GRIK2: variants seen among roughly 807,000 people sequenced by gnomAD.
The protein encoded by GRIK2 is glutamate ionotropic receptor kainate type subunit 2, also known as glutamate receptor ionotropic, kainate 2.
In GRIK2, 32 loss-of-function variants were observed where a neutral mutation model predicts 100.3. The ratio of observed to expected loss-of-function variants is 0.32; its 90% CI spans 0.24 to 0.43. GRIK2 has a LOEUF of 0.43. Among genes scored for constraint, GRIK2 ranks in the 20% least tolerant of loss-of-function variants. The pLI, the probability that GRIK2 is intolerant of heterozygous loss-of-function variation, is 1.00. For synonymous variants in GRIK2, 417 were observed against 389.4 expected (o/e 1.07, Z -0.83); for missense variants, 843 against 1,114.9 (o/e 0.76, Z 3.47).
chr6:101,531,439 G>A (rs2128284843), intron 2 of GRIK2, among the ~76,000 whole-genome samples: 1 of 152,028 alleles, frequency 6.6e-6, no homozygotes, highest in East Asian at 1.9e-4. Context: ...AAAGTGACAA[G>A]TAACATATAT....
Position 101,572,139 on chromosome 6 carries a change from G to A in GRIK2, c.116-49810G>A, listed in dbSNP as rs767699877. ...TTTCTAGCTTTGTCATTTAAAAAAA[G>A]TTGCTTTTTTATTTTAATAAAAAAT... is the stretch of plus-strand genomic sequence containing the variant. On this transcript the variant is annotated intron_variant, in intron 2 of 16. Transcript: ENST00000369134. Among the ~76,000 whole-genome samples the A allele has an allele frequency of 2.0e-5, 3 of 151,912 alleles. No individual in the cohort carries two copies. In the South Asian group the frequency reaches 6.2e-4, roughly 31 times the overall value.
chr6:101,597,133 A>G (rs2128308541), intron 2 of GRIK2, among the ~76,000 whole-genome samples: 1 of 151,872 alleles, frequency 6.6e-6, no homozygotes, highest in East Asian at 1.9e-4. Flanking sequence ...GTGAATTGAT[A>G]GAGAAAACCA....
chr6:101,460,149 C>T (rs1490616584), intron 2 of GRIK2, among the ~76,000 whole-genome samples: 2 of 152,156 alleles, frequency 1.3e-5, no homozygotes, highest in African/African-American at 4.8e-5. Context: ...AGTTGTGCCA[C>T]GACAGTGTCA....
chr6:102,023,969 G>A (rs1769562536), intron 14 of GRIK2, among the ~76,000 whole-genome samples: 1 of 151,212 alleles, frequency 6.6e-6, no homozygotes. Context: ...CAGTGGGATT[G>A]GAAAATATTA....
At chr6:102,054,571 T>C (rs1771373942) in intron 15 of GRIK2, among the ~76,000 whole-genome samples, 1 of 152,146 alleles carries the variant, frequency 6.6e-6, no homozygotes, top group Non-Finnish European at 1.5e-5. Context: ...ATGTAATATC[T>C]AATGCAGATG....
At chr6:101,402,436 G>A (rs141258852) in intron 2 of GRIK2, among the ~76,000 whole-genome samples, 1 of 152,230 alleles carries the variant, frequency 6.6e-6, no homozygotes, top group African/African-American at 2.4e-5. Context: ...ACTCCCACTT[G>A]GCTGCACAGG....
At chr6:101,998,812 CTTTTTTTTTT>C (rs755522043) in intron 14 of GRIK2, among the ~76,000 whole-genome samples, 2 of 110,062 alleles carry the variant, frequency 1.8e-5, no homozygotes, top group African/African-American at 3.3e-5. Flanking sequence ...TTTTTCTTTT[CTTTTTTTTTT>C]TTTTTTTTTG....
At chr6:101,704,741 A>G (rs1202897077) in intron 7 of GRIK2, among the ~76,000 whole-genome samples, 1 of 151,322 alleles carries the variant, frequency 6.6e-6, no homozygotes, top group African/African-American at 2.4e-5. Context: ...CATGAAACAA[A>G]TGTGGAATTT....
intron 2 of GRIK2, among the ~76,000 whole-genome samples, chr6:101,402,095 G>A (rs1775341031): frequency 6.6e-6 from 1 of 152,128 alleles, no homozygotes; most frequent in South Asian, 2.1e-4. Flanking sequence ...GCGTCCTCCT[G>A]TCACCTCCTG....
At chr6:101,754,792 T>C (rs986370575) in intron 7 of GRIK2, among the ~76,000 whole-genome samples, 1 of 152,196 alleles carries the variant, frequency 6.6e-6, no homozygotes, top group Non-Finnish European at 1.5e-5. Flanking sequence ...AGAAACGATA[T>C]GTGCAATGGC....
intron 7 of GRIK2, among the ~76,000 whole-genome samples, chr6:101,694,671 A>G (rs1031352997): frequency 4.6e-5 from 7 of 152,014 alleles, no homozygotes; most frequent in Non-Finnish European, 8.8e-5. Context: ...GAGTGGATCT[A>G]TTTTTAAAAT....
intron 14 of GRIK2, among the ~76,000 whole-genome samples, chr6:102,018,329 C>T (rs1769232603): frequency 6.6e-6 from 1 of 152,070 alleles, no homozygotes; most frequent in South Asian, 2.1e-4. Flanking sequence ...GAAGAATAGA[C>T]AGAGCTTGAG....
At chr6:101,978,576 C>A (rs115306653) in intron 14 of GRIK2, among the ~76,000 whole-genome samples, 284 of 151,996 alleles carry the variant, frequency 1.9e-3, no homozygotes, top group African/African-American at 6.7e-3. Flanking sequence ...ACATTTGAAG[C>A]AATCTGGCAG....
intron 15 of GRIK2, among the ~76,000 whole-genome samples, chr6:102,044,357 C>G (rs577240750): frequency 2.0e-5 from 3 of 152,032 alleles, no homozygotes; most frequent in Admixed American, 6.6e-5. Flanking sequence ...TTTTACCTAT[C>G]TTAAGATTCC....
At chr6:101,862,904 CTTT>C (rs1409036723) in intron 11 of GRIK2, among the ~76,000 whole-genome samples, 1 of 152,072 alleles carries the variant, frequency 6.6e-6, no homozygotes, top group African/African-American at 2.4e-5. Flanking sequence ...GGCTGATCAT[CTTT>C]TGAGTTTTTA....
chr6:101,536,700 T>C (rs1196513533), intron 2 of GRIK2, among the ~76,000 whole-genome samples: 2 of 151,672 alleles, frequency 1.3e-5, no homozygotes, highest in Non-Finnish European at 3.0e-5. Flanking sequence ...CCTTTTATAT[T>C]TTTAGATAAA....
chr6:102,064,420 TTCTTTCTC>T lies in GRIK2; in HGVS notation c.2563-3917_2563-3910del, dbSNP rs374239616. Among the ~76,000 whole-genome samples, 249 of 149,002 alleles carry T rather than the reference TTCTTTCTC, an allele frequency of 1.7e-3. 1 individual carries two copies. The highest frequency in any genetic ancestry group is 5.4e-3 in the African/African-American group (222 of 40,800). On this transcript the variant is annotated intron_variant, in intron 16 of 16. Transcript: ENST00000369134. ...CTCTCTCTCTCCCTCCCTCCTTTCTTTCTTTCTCTCTTTCTCTGTCCATCTTTCTTTCT... is the reference window on the plus strand; with the variant it reads ...CTCTCTCTCTCCCTCCCTCCTTTCTTTCTTTCTCTGTCCATCTTTCTTTCT...
chr6:101,854,613 T>C (rs115893067), intron 10 of GRIK2, among the ~76,000 whole-genome samples: 3,746 of 152,204 alleles, frequency 0.025, 165 homozygotes, highest in African/African-American at 0.085. Context: ...GAAGCTGAAA[T>C]AATGAAATTA....
At chr6:101,791,400 A>G (rs891595973) in intron 7 of GRIK2, among the ~76,000 whole-genome samples, 1 of 152,018 alleles carries the variant, frequency 6.6e-6, no homozygotes, top group Non-Finnish European at 1.5e-5. Context: ...CGATTCTGGT[A>G]TGTTGTGTTT....
Sources: allele counts gnomAD v4.1 joint callset (sites outside exome capture counted in the v4.1 genomes callset), GRCh38; gene constraint gnomAD v4.1.1; transcripts MANE v1.5; gene names NCBI Gene and HGNC (gene_info 2026-07-23, HGNC 2026-07-21).